The following WFDC3 variants were observed in gnomAD, a reference collection of about 807,000 sequenced individuals.
WFDC3 encodes the protein WAP four-disulfide core domain protein 3.
WFDC3 carries 15 observed loss-of-function variants against 25.8 expected under a neutral mutation model. The observed-to-expected ratio is 0.58, with a 90% CI of 0.39 to 0.89. The LOEUF (loss-of-function observed/expected upper bound fraction) is 0.89, where lower values mean the gene tolerates loss of function less well. Among genes scored for constraint, WFDC3 ranks in the 40% least tolerant of loss-of-function variants. The probability of loss-of-function intolerance (pLI) is 0.00; values close to 1 mark genes in which losing one functional copy is unlikely to be tolerated. For synonymous variants in WFDC3, 103 were observed against 107.1 expected, an observed-to-expected ratio of 0.96 and a Z score of 0.24; for missense variants, 264 against 289.8, an observed-to-expected ratio of 0.91 and a Z score of 0.65.
chr20:45,782,698 C>T (rs1980503601), intron 4 of WFDC3, among the ~76,000 whole-genome samples: 2 of 152,112 alleles, frequency 1.3e-5, no homozygotes. Flanking sequence ...TCTATGTCTG[C>T]AGTATCTCCA....
chr20:45,785,720 C>T (rs1364856979), intron 4 of WFDC3, among the ~76,000 whole-genome samples: 1 of 152,090 alleles, frequency 6.6e-6, no homozygotes, highest in Non-Finnish European at 1.5e-5. Flanking sequence ...AGGGGTTAGA[C>T]ATAGAAGACA....
chr20:45,781,799 T>C (rs1195127359), intron 4 of WFDC3, among the ~76,000 whole-genome samples: 3 of 152,220 alleles, frequency 2.0e-5, no homozygotes, highest in Non-Finnish European at 4.4e-5. Context: ...ACAAACAGTT[T>C]AGGCACAGTG....
intron 4 of WFDC3, among the ~76,000 whole-genome samples, chr20:45,787,540 C>T (rs1980740047): frequency 6.6e-6 from 1 of 151,980 alleles, no homozygotes; most frequent in Admixed American, 6.5e-5. Context: ...ATCCGCCCGC[C>T]TTGGCCTCCC....
At chr20:45,777,348 G>T in intron 4 of WFDC3, 139 bp from the exon 5 acceptor site, 1 of 998,066 alleles carries the variant, frequency 1.0e-6, no homozygotes, top group Non-Finnish European at 1.3e-6. Flanking sequence ...TCATGTATCT[G>T]CAATACATCT....
chr20:45,784,972 C>CA (rs1980605126), intron 4 of WFDC3, among the ~76,000 whole-genome samples: 1 of 152,284 alleles, frequency 6.6e-6, no homozygotes, highest in East Asian at 1.9e-4. Context: ...TCCGACAACC[C>CA]AAACCTAGGA....
At chr20:45,790,949 T>A (rs1298182320) in intron 1 of WFDC3, 1 of 470,668 alleles carries the variant, frequency 2.1e-6, no homozygotes, top group East Asian at 7.0e-5. Flanking sequence ...TTCTTTTTTC[T>A]CCATTTCTTT....
chr20:45,778,183 C>T (rs909171365), intron 4 of WFDC3, among the ~76,000 whole-genome samples: 7 of 152,204 alleles, frequency 4.6e-5, no homozygotes, highest in Admixed American at 2.6e-4. Context: ...GCTTGAACTA[C>T]GCTATGGGAT....
At chr20:45,790,307 G>A (rs3746494) in intron 1 of WFDC3, among the ~76,000 whole-genome samples, 96,552 of 152,068 alleles carry the variant, frequency 0.63, 30,948 homozygotes, top group Admixed American at 0.72. Context: ...GAATCAAAGA[G>A]AGCCCTAAAG....
intron 4 of WFDC3, among the ~76,000 whole-genome samples, chr20:45,781,497 T>C (rs1980443360): frequency 1.3e-5 from 2 of 152,238 alleles, no homozygotes. Flanking sequence ...CCCATGGCTA[T>C]GATTTATTAC....
Position 45,774,222 on chromosome 20 carries a change from G to A in WFDC3, c.*206C>T, listed in dbSNP as rs1980030120. 2 of 649,830 alleles carry A rather than the reference G, an allele frequency of 3.1e-6. No homozygotes were observed. Among genetic ancestry groups the A allele is most frequent in the East Asian group, 5.5e-5 (2 of 36,516 alleles). 40.3% of individuals were successfully genotyped at this position (649,830 alleles called of 1,614,324 possible). A position where few individuals can be genotyped will look rare whatever the true frequency, so the allele number is the denominator to read the frequency against. ...TAGCACAAACAAGAGGTCAGCACCA[G>A]CCTTTATCGGGAAAGAGAAGCACCA... On this transcript the variant is annotated 3_prime_UTR_variant, in exon 7 of 7. Transcript: ENST00000243938.
chr20:45,789,966 T>TTAA lies in WFDC3; in HGVS notation c.7_9dup (p.Leu3dup), dbSNP rs865859116. 2 of 1,614,108 alleles carry TTAA rather than the reference T, an allele frequency of 1.2e-6. No individual in the cohort carries two copies. The highest frequency in any genetic ancestry group is 4.5e-5 in the East Asian group (2 of 44,880). On this transcript the variant is annotated inframe_insertion, in exon 2 of 7. Transcript: ENST00000243938. Reference sequence around the variant, plus strand: ...AGTGCCTTCAGAAGAAAGAGGCAGCTTAACATCATGATGATGCTGAGAGTT... The same window carrying TTAA: ...AGTGCCTTCAGAAGAAAGAGGCAGCTTAATAACATCATGATGATGCTGAGAGTT...
intron 4 of WFDC3, among the ~76,000 whole-genome samples, chr20:45,782,441 G>C (rs1040280355): frequency 6.6e-6 from 1 of 151,238 alleles, no homozygotes; most frequent in Non-Finnish European, 1.5e-5. Flanking sequence ...GCAGTGGTGC[G>C]ATCTCGGCTC....
At chr20:45,776,660 A>G (rs397244) in intron 5 of WFDC3, among the ~76,000 whole-genome samples, 29,453 of 91,852 alleles carry the variant, frequency 0.32, 5,334 homozygotes, top group East Asian at 0.52. Flanking sequence ...ATATATATAT[A>G]TGTGTGTGTG....
At chr20:45,789,574 C>G (rs1176854043) in intron 2 of WFDC3, among the ~76,000 whole-genome samples, 6 of 151,938 alleles carry the variant, frequency 3.9e-5, no homozygotes, top group African/African-American at 1.5e-4. Flanking sequence ...ATATCCACCA[C>G]TGCTAAAGGA....
At chr20:45,778,734 C>T (rs1200938899) in intron 4 of WFDC3, 2 of 152,022 alleles carry the variant, frequency 1.3e-5, no homozygotes. Context: ...GCACTCCCCT[C>T]GACAAGGATG....
Position 45,784,802 on chromosome 20 carries a change from T to C in WFDC3, c.358+3034A>G, listed in dbSNP as rs79187043. Among the ~76,000 whole-genome samples, 1,015 of 152,290 alleles carry C rather than the reference T, an allele frequency of 6.7e-3. 38 individuals carry two copies. The East Asian group carries it at 0.12, about 18-fold the overall frequency. ...TAGGAGGCAAGAGGAAGGAAGTTAATATATACTGAGGGCAAAACACTTTAC... is the reference window on the plus strand; with the variant it reads ...TAGGAGGCAAGAGGAAGGAAGTTAACATATACTGAGGGCAAAACACTTTAC... On this transcript the variant is annotated intron_variant, in intron 4 of 6. Coordinates refer to ENST00000243938, the MANE Select transcript of WFDC3 (RefSeq NM_080614.2).
intron 5 of WFDC3, among the ~76,000 whole-genome samples, chr20:45,776,793 C>T (rs1048520067): frequency 3.3e-5 from 5 of 151,632 alleles, no homozygotes; most frequent in African/African-American, 2.4e-5. Flanking sequence ...CTCAAAAAGA[C>T]GGGTTTGCTT....
In WFDC3 at chr20:45,788,163, G is replaced by T. The variant is rs186136374; in HGVS notation, c.212-181C>A. 1.4e-5 allele frequency: 7 copies of T among 509,934 alleles called. No individual in the cohort carries two copies. The East Asian group carries it at 3.1e-4, about 23-fold the overall frequency. 31.6% of individuals were successfully genotyped at this position (509,934 alleles called of 1,614,324 possible). A position where few individuals can be genotyped will look rare whatever the true frequency, so the allele number is the denominator to read the frequency against. On this transcript the variant is annotated intron_variant, in intron 3 of 6. Coordinates refer to ENST00000243938, the MANE Select transcript of WFDC3 (RefSeq NM_080614.2). Reference sequence around the variant, plus strand: ...TACTAAAAATACAAAATTAGTCGGGGGTGGTGGCACATGCCTGTAAATCCC... The same window carrying T: ...TACTAAAAATACAAAATTAGTCGGGTGTGGTGGCACATGCCTGTAAATCCC...
In WFDC3 at chr20:45,776,619, AAAGAAAAAAAAAAAAAATATAT is replaced by A. The variant is rs1156759978; in HGVS notation, c.493+434_493+455del. ...TCTCAAAAAAAAAAAAAAAGAAAAA[AAAGAAAAAAAAAAAAAATATAT>A]ATATATATATATATATATATGTGTG... On this transcript the variant is annotated intron_variant, in intron 5 of 6. Coordinates refer to ENST00000243938, the MANE Select transcript of WFDC3 (RefSeq NM_080614.2). Among the ~76,000 whole-genome samples the A allele has an allele frequency of 1.9e-3, 154 of 79,142 alleles. 3 individuals are homozygous for A. The East Asian group carries it at 0.04, about 21-fold the overall frequency. The allele number at this position is 79,142 out of a possible 152,430, so 51.9% of individuals were successfully genotyped here.
Sources: allele counts gnomAD v4.1 joint callset (sites outside exome capture counted in the v4.1 genomes callset), GRCh38; gene constraint gnomAD v4.1.1; transcripts MANE v1.5; gene names NCBI Gene and HGNC (gene_info 2026-07-23, HGNC 2026-07-21).